Variants in FUT9 observed in about 807,000 individuals in gnomAD.
FUT9 encodes the protein fucosyltransferase 9, also known as 4-galactosyl-N-acetylglucosaminide 3-alpha-L-fucosyltransferase 9.
Under a neutral mutation model 29.7 loss-of-function variants are expected in FUT9, and 15 were observed. The ratio of observed to expected loss-of-function variants is 0.51; its 90% confidence interval spans 0.34 to 0.78. The LOEUF (loss-of-function observed/expected upper bound fraction) is 0.78, where lower values mean the gene tolerates loss of function less well. FUT9 is among the 30% of genes least tolerant of loss of function. FUT9 has a pLI of 0.01. For missense variants in FUT9, 319 were observed against 425.4 expected, an observed-to-expected ratio of 0.75 and a Z score of 2.20; for synonymous variants, 169 against 153.7, an observed-to-expected ratio of 1.10 and a Z score of -0.74.
Position 96,207,245 on chromosome 6 carries a change from A to G in FUT9, c.*3010A>G, listed in dbSNP as rs958973163. On this transcript the variant is annotated 3_prime_UTR_variant, in exon 3 of 3. Coordinates refer to ENST00000302103, the MANE Select transcript of FUT9 (RefSeq NM_006581.4). The stretch of plus-strand genomic sequence containing the variant: ...CACACACACATACACACACACACAC[A>G]CACACCCCACAGCTAGTGACAATAG... The G allele has an allele frequency of 1.2e-5, 2 of 166,628 alleles. No homozygotes were observed. The highest frequency in any genetic ancestry group is 6.6e-5 in the Admixed American group (1 of 15,248). 10.3% of individuals were successfully genotyped at this position (166,628 alleles called of 1,614,324 possible). A position where few individuals can be genotyped will look rare whatever the true frequency, so the allele number is the denominator to read the frequency against.
At chr6:96,191,374 C>G (rs539038796) in intron 2 of FUT9, among the ~76,000 whole-genome samples, 3 of 151,894 alleles carry the variant, frequency 2.0e-5, no homozygotes, top group African/African-American at 7.3e-5. Context: ...ATCAAATAGA[C>G]GCAATAAAAA....
At chr6:96,043,403 A>G (rs9386301) in intron 1 of FUT9, among the ~76,000 whole-genome samples, 3,476 of 152,324 alleles carry the variant, frequency 0.023, 68 homozygotes, top group East Asian at 0.092. Flanking sequence ...ATGTCAAATG[A>G]CATTGTTTTT....
chr6:96,148,392 A>C (rs1041330255), intron 2 of FUT9, among the ~76,000 whole-genome samples: 1 of 152,190 alleles, frequency 6.6e-6, no homozygotes, highest in African/African-American at 2.4e-5. Context: ...TTCTCCATTA[A>C]GGTGGATAAT....
intron 2 of FUT9, among the ~76,000 whole-genome samples, chr6:96,149,075 G>A (rs1772628405): frequency 6.6e-6 from 1 of 151,982 alleles, no homozygotes; most frequent in South Asian, 2.1e-4. Context: ...AGAACTGCTT[G>A]AACTCGGGAA....
chr6:96,145,530 G>A (rs1004501466), intron 2 of FUT9, among the ~76,000 whole-genome samples: 8 of 152,174 alleles, frequency 5.3e-5, no homozygotes, highest in African/African-American at 1.7e-4. Flanking sequence ...TAAGTATGAT[G>A]TATAGTGTGT....
intron 1 of FUT9, among the ~76,000 whole-genome samples, chr6:96,019,547 G>T (rs189119630): frequency 2.0e-4 from 31 of 151,994 alleles, no homozygotes; most frequent in African/African-American, 6.5e-4. Context: ...TTAGCAGAAC[G>T]CATTCTTAGG....
chr6:96,068,227 A>T (rs1312980874), intron 1 of FUT9, among the ~76,000 whole-genome samples: 1 of 152,162 alleles, frequency 6.6e-6, no homozygotes, highest in Non-Finnish European at 1.5e-5. Context: ...GAGGCCATGA[A>T]ATAGCTTGGC....
intron 1 of FUT9, among the ~76,000 whole-genome samples, chr6:96,090,446 A>G (rs1042911936): frequency 2.0e-5 from 3 of 151,994 alleles, no homozygotes; most frequent in African/African-American, 7.2e-5. Context: ...GTTCAATTTT[A>G]TAAGCAACAG....
intron 1 of FUT9, among the ~76,000 whole-genome samples, chr6:96,111,585 A>ACACACAC (rs1771808366): frequency 7.4e-6 from 1 of 134,276 alleles, no homozygotes; most frequent in South Asian, 2.4e-4. Context: ...ACACACACAC[A>ACACACAC]AATCTGAGTT....
intron 2 of FUT9, among the ~76,000 whole-genome samples, chr6:96,148,715 G>T (rs540016048): frequency 3.3e-5 from 5 of 152,184 alleles, no homozygotes; most frequent in African/African-American, 1.2e-4. Flanking sequence ...TTTAAAAAGT[G>T]GCCACTCCTA....
At chr6:96,200,755 T>C (rs1773713418) in intron 2 of FUT9, among the ~76,000 whole-genome samples, 7 of 152,078 alleles carry the variant, frequency 4.6e-5, no homozygotes, top group Admixed American at 4.6e-4. Flanking sequence ...TATTAAAAGT[T>C]AATGTTTTTC....
chr6:96,057,218 T>A lies in FUT9; in HGVS notation c.-98+41006T>A, dbSNP rs958449149. On this transcript the variant is annotated intron_variant, in intron 1 of 2. Transcript: ENST00000302103. ...GTGGATAATAATAATAAAAGAGAGG[T>A]TGGATAGATGAAAACAGCTACATTT... Among the ~76,000 whole-genome samples, 7 of 152,154 alleles carry A rather than the reference T, an allele frequency of 4.6e-5. No homozygotes were observed. In the South Asian group the frequency reaches 6.2e-4, roughly 13 times the overall value.
chr6:96,162,049 A>G (rs1400662292), intron 2 of FUT9, among the ~76,000 whole-genome samples: 2 of 152,016 alleles, frequency 1.3e-5, no homozygotes, highest in Non-Finnish European at 1.5e-5. Context: ...ATTCCTTCTT[A>G]GCACTTTCAT....
At chr6:96,082,417 G>A (rs572506066) in intron 1 of FUT9, among the ~76,000 whole-genome samples, 1 of 151,440 alleles carries the variant, frequency 6.6e-6, no homozygotes, top group Non-Finnish European at 1.5e-5. Context: ...ATTTCCTGAT[G>A]ATCAGCAGTA....
chr6:96,080,014 TGAA>T (rs1771209000), intron 1 of FUT9, among the ~76,000 whole-genome samples: 1 of 152,070 alleles, frequency 6.6e-6, no homozygotes, highest in Admixed American at 6.5e-5. Context: ...GCTTTGTACT[TGAA>T]GAAGTAGAAT....
At chr6:96,070,549 T>C (rs1055307406) in intron 1 of FUT9, among the ~76,000 whole-genome samples, 8 of 152,064 alleles carry the variant, frequency 5.3e-5, no homozygotes, top group Non-Finnish European at 8.8e-5. Context: ...TAGCTGGGCA[T>C]GGTGTGGCAC....
At chr6:96,051,971 T>C (rs1004430735) in intron 1 of FUT9, among the ~76,000 whole-genome samples, 3 of 152,140 alleles carry the variant, frequency 2.0e-5, no homozygotes, top group African/African-American at 7.2e-5. Flanking sequence ...TATTAGTTCC[T>C]TCTTAAGCTG....
chr6:96,061,251 C>T (rs558534657), intron 1 of FUT9, among the ~76,000 whole-genome samples: 8 of 69,986 alleles, frequency 1.1e-4, no homozygotes, highest in Middle Eastern at 9.1e-3. Context: ...CTACATCTCC[C>T]CTTAAGAATG....
At chr6:96,042,712 T>A (rs1770484397) in intron 1 of FUT9, among the ~76,000 whole-genome samples, 1 of 152,206 alleles carries the variant, frequency 6.6e-6, no homozygotes, top group Admixed American at 6.5e-5. Context: ...TGGTCTTGTA[T>A]TAGCCCGTTG....
Sources: allele counts gnomAD v4.1 joint callset (sites outside exome capture counted in the v4.1 genomes callset), GRCh38; gene constraint gnomAD v4.1.1; transcripts MANE v1.5; gene names NCBI Gene and HGNC (gene_info 2026-07-23, HGNC 2026-07-21).